Variants in CAPN13 observed in about 807,000 individuals in gnomAD.
CAPN13 encodes calpain-13.
A neutral mutation model predicts 98.4 loss-of-function variants in CAPN13; 90 were observed. The observed-to-expected ratio is 0.92, with a 90% CI of 0.77 to 1.09. The LOEUF is 1.09. Among genes scored for constraint, CAPN13 ranks in the 50% least tolerant of loss-of-function variants. The pLI is 0.00. For missense variants in CAPN13, 887 were observed against 841.3 expected (o/e 1.05, Z -0.67); for synonymous variants, 330 against 305.5 (o/e 1.08, Z -0.84).
chr2:30,738,460 G>T lies in CAPN13; in HGVS notation c.1537-3C>A, dbSNP rs952274501. On this transcript the variant is annotated splice_polypyrimidine_tract_variant and splice_region_variant and intron_variant, in intron 15 of 22. Transcript: ENST00000295055. ...TGGGTGGCATCAATGTCCAGCCTCT[G>T]ATCCAAACAAGGAAGGAATGCAGGA... 1 of 1,601,754 alleles carries T rather than the reference G, an allele frequency of 6.2e-7. No homozygotes were observed. Among genetic ancestry groups the T allele is most frequent in the Non-Finnish European group, 8.5e-7 (1 of 1,173,790 alleles).
intron 5 of CAPN13, among the ~76,000 whole-genome samples, chr2:30,764,604 A>G (rs1476029912): frequency 6.6e-6 from 1 of 152,094 alleles, no homozygotes; most frequent in Non-Finnish European, 1.5e-5. Context: ...GTTGAACCCC[A>G]CCTTTGCCAC....
At chr2:30,749,191 T>C (rs563098977) in intron 11 of CAPN13, among the ~76,000 whole-genome samples, 7 of 152,328 alleles carry the variant, frequency 4.6e-5, no homozygotes, top group African/African-American at 1.7e-4. Flanking sequence ...ATATCTGAAA[T>C]GCAAATGCTC....
Position 30,731,150 on chromosome 2 carries a change from A to C in CAPN13, c.1983+194T>G, listed in dbSNP as rs6756860. Among the ~76,000 whole-genome samples the C allele has an allele frequency of 9.9e-3, 1,508 of 152,336 alleles. 20 individuals carry two copies. Among genetic ancestry groups the C allele is most frequent in the African/African-American group, 0.034 (1,434 of 41,566 alleles). On this transcript the variant is annotated intron_variant, in intron 21 of 22. Transcript: ENST00000295055. ...TTTATTAAGCTATTGGAAAAAAATA[A>C]AATCTGTCTGCCAAGATCCTAAAGC...
chr2:30,762,434 G>T (rs1380328751), intron 7 of CAPN13, among the ~76,000 whole-genome samples: 1 of 152,194 alleles, frequency 6.6e-6, no homozygotes, highest in Non-Finnish European at 1.5e-5. Flanking sequence ...CCTTGGTGTG[G>T]TCATATAATT....
At position 30,770,589 on chromosome 2, in the gene CAPN13, T is replaced by A; in HGVS notation, c.388-140A>T. The A allele has an allele frequency of 6.6e-6, 7 of 1,067,452 alleles. No homozygotes were observed. In the South Asian group the frequency reaches 1.3e-4, roughly 19 times the overall value. The allele number at this position is 1,067,452 out of a possible 1,614,324, so 66.1% of individuals were successfully genotyped here. A position where few individuals can be genotyped will look rare whatever the true frequency, so the allele number is the denominator to read the frequency against. On this transcript the variant is annotated intron_variant, in intron 4 of 22. Coordinates refer to ENST00000295055, the MANE Select transcript of CAPN13 (RefSeq NM_144575.3). ...ATTCCGAACAAAATCCCAGCCCAGG[T>A]TGCCAGGCAGGAGACAGGCATGTCA...
At chr2:30,752,014 GGA>G (rs1279926976) in intron 10 of CAPN13, among the ~76,000 whole-genome samples, 6 of 152,238 alleles carry the variant, frequency 3.9e-5, no homozygotes, top group Non-Finnish European at 8.8e-5. Flanking sequence ...TGTATCCAGG[GGA>G]GAGGGCCTTG....
chr2:30,748,263 C>G (rs978831667), intron 11 of CAPN13, among the ~76,000 whole-genome samples: 1 of 152,188 alleles, frequency 6.6e-6, no homozygotes, highest in African/African-American at 2.4e-5. Context: ...TGCCTTTAGC[C>G]TTTTCTTCCC....
chr2:30,731,907 G>T (rs1193657732), intron 20 of CAPN13, among the ~76,000 whole-genome samples: 1 of 152,152 alleles, frequency 6.6e-6, no homozygotes, highest in African/African-American at 2.4e-5. Context: ...GTGGGGAGGG[G>T]TCTGGCCTCT....
intron 17 of CAPN13, chr2:30,738,032 A>G: frequency 1.6e-6 from 1 of 616,326 alleles, no homozygotes; most frequent in African/African-American, 1.8e-5. Flanking sequence ...AGCACATAGT[A>G]GGTGCTTGAT....
intron 2 of CAPN13, among the ~76,000 whole-genome samples, chr2:30,784,732 C>G (rs1674172297): frequency 6.6e-6 from 1 of 152,178 alleles, no homozygotes; most frequent in African/African-American, 2.4e-5. Context: ...AATTCCAGCT[C>G]TAGTATCATC....
At chr2:30,754,708 C>A (rs1246089184) in intron 8 of CAPN13, among the ~76,000 whole-genome samples, 1 of 152,174 alleles carries the variant, frequency 6.6e-6, no homozygotes, top group East Asian at 1.9e-4. Context: ...GTCCCTCTCT[C>A]ACACCCCCAC....
rs1292434547 is a variant in CAPN13 at position 30,723,214 on chromosome 2, T to G, written c.*53A>C. On this transcript the variant is annotated 3_prime_UTR_variant, in exon 23 of 23. Coordinates refer to ENST00000295055, the MANE Select transcript of CAPN13 (RefSeq NM_144575.3). ...CCTCTTAGAATGAGAGCCAGATTCT[T>G]GAGTGATCACTGGGAGCTTGTCCTA... 1 of 152,306 alleles carries G rather than the reference T, an allele frequency of 6.6e-6. No individual in the cohort carries two copies. Among genetic ancestry groups the G allele is most frequent in the Non-Finnish European group, 1.5e-5 (1 of 68,126 alleles). 9.4% of individuals were successfully genotyped at this position (152,306 alleles called of 1,614,324 possible).
chr2:30,795,185 T>G (rs1010469068), intron 1 of CAPN13, among the ~76,000 whole-genome samples: 1 of 152,048 alleles, frequency 6.6e-6, no homozygotes, highest in Non-Finnish European at 1.5e-5. Flanking sequence ...TCAATGGACA[T>G]TTAATGCTCT....
intron 11 of CAPN13, among the ~76,000 whole-genome samples, chr2:30,747,209 A>T (rs934107487): frequency 1.3e-5 from 2 of 152,210 alleles, no homozygotes; most frequent in Admixed American, 6.5e-5. Flanking sequence ...ACTTTTATGT[A>T]ATGTGTTGGA....
Position 30,788,430 on chromosome 2 carries a change from T to C in CAPN13, c.-32-1073A>G, listed in dbSNP as rs143280856. On this transcript the variant is annotated intron_variant, in intron 1 of 22. Coordinates refer to ENST00000295055, the MANE Select transcript of CAPN13 (RefSeq NM_144575.3). The stretch of plus-strand genomic sequence containing the variant: ...CGTAACTGGTGCCATTTACCAAAAA[T>C]GTACCACGTCCTCCATCTGTGAGGC... Among the ~76,000 whole-genome samples, 68 of 152,306 alleles carry C rather than the reference T, an allele frequency of 4.5e-4. No homozygotes were observed. The East Asian group carries it at 0.012, about 28-fold the overall frequency.
intron 18 of CAPN13, among the ~76,000 whole-genome samples, chr2:30,734,864 G>A (rs1422198333): frequency 6.6e-6 from 1 of 152,218 alleles, no homozygotes; most frequent in Non-Finnish European, 1.5e-5. Context: ...CAACCAAACT[G>A]CTAGGGCTTA....
intron 1 of CAPN13, among the ~76,000 whole-genome samples, chr2:30,806,930 A>G (rs1465540105): frequency 6.6e-6 from 1 of 152,260 alleles, no homozygotes; most frequent in Non-Finnish European, 1.5e-5. Flanking sequence ...ACATCAGTGC[A>G]CAAAGAAGAC....
chr2:30,726,944 G>C (rs1670878944), intron 22 of CAPN13, among the ~76,000 whole-genome samples: 1 of 152,070 alleles, frequency 6.6e-6, no homozygotes, highest in Admixed American at 6.5e-5. Context: ...AATTTCAAAA[G>C]TTACTATAAA....
chr2:30,800,137 AAAGAAAGAAAGAAAG>A (rs1675153016), intron 1 of CAPN13, among the ~76,000 whole-genome samples: 1 of 147,138 alleles, frequency 6.8e-6, no homozygotes, highest in African/African-American at 2.6e-5. Flanking sequence ...AGAAAGAAAG[AAAGAAAGAAAGAAAG>A]AAAGAAAGAA....
Sources: gnomAD v4.1 joint callset for allele counts (sites outside exome capture counted in the v4.1 genomes callset) on GRCh38, gnomAD v4.1.1 for gene constraint, MANE v1.5 for transcripts, NCBI Gene and HGNC (gene_info 2026-07-23, HGNC 2026-07-21) for gene names.